DHRSX: variants seen among roughly 807,000 people sequenced by gnomAD.
The protein encoded by DHRSX is polyprenol dehydrogenase.
DHRSX carries 31 observed loss-of-function variants against 34.0 expected under a neutral mutation model. The ratio of observed to expected loss-of-function variants is 0.91; its 90% CI spans 0.69 to 1.23. The LOEUF (loss-of-function observed/expected upper bound fraction) is 1.23. Ranked by LOEUF, DHRSX falls within the 50% of genes most tolerant of loss-of-function variation. The pLI is 0.00. For missense variants in DHRSX, 414 were observed against 428.1 expected, an observed-to-expected ratio of 0.97 and a Z score of 0.29; for synonymous variants, 201 against 183.8, an observed-to-expected ratio of 1.09 and a Z score of -0.76.
intron 3 of DHRSX, among the ~76,000 whole-genome samples, chrX:2,398,094 GA>G (rs2043437406): frequency 6.6e-6 from 1 of 152,192 alleles, no homozygotes; most frequent in Non-Finnish European, 1.5e-5. Context: ...ATGAGTTGCG[GA>G]AGGGGGCTCG....
chrX:2,328,100 A>G (rs1473950687), intron 3 of DHRSX, among the ~76,000 whole-genome samples: 3 of 127,764 alleles, frequency 2.3e-5, no homozygotes, highest in Admixed American at 8.1e-5. Context: ...AGAGGAGGAG[A>G]TGAGGACACA....
chrX:2,241,820 A>G (rs1016753394), intron 6 of DHRSX, among the ~76,000 whole-genome samples: 1 of 152,126 alleles, frequency 6.6e-6, no homozygotes, highest in African/African-American at 2.4e-5. Flanking sequence ...AGGCAGGAGA[A>G]TCGCTTGAAC....
At chrX:2,482,964 C>A (rs2044796934) in intron 1 of DHRSX, among the ~76,000 whole-genome samples, 1 of 152,190 alleles carries the variant, frequency 6.6e-6, no homozygotes, top group African/African-American at 2.4e-5. Flanking sequence ...AAAGGCTACC[C>A]TCTTTCTTTC....
At chrX:2,450,154 A>C (rs935210811) in intron 1 of DHRSX, among the ~76,000 whole-genome samples, 14 of 26,728 alleles carry the variant, frequency 5.2e-4, no homozygotes, top group Non-Finnish European at 8.7e-4. Context: ...AAGTACCAAT[A>C]AATAAATAAA....
At chrX:2,464,788 C>T (rs1240930659) in intron 1 of DHRSX, among the ~76,000 whole-genome samples, 3 of 150,808 alleles carry the variant, frequency 2.0e-5, no homozygotes, top group South Asian at 4.2e-4. Context: ...GCTAAGGGAC[C>T]GCTGACATGT....
chrX:2,424,865 C>T lies in DHRSX; in HGVS notation c.217+332G>A, dbSNP rs140109923. ...ATAAGACACAACTAACTCTGCCAGGCGCAGTGGCTCACACCTGTAATCCTA... is the reference window on the plus strand; with the variant it reads ...ATAAGACACAACTAACTCTGCCAGGTGCAGTGGCTCACACCTGTAATCCTA... On this transcript the variant is annotated intron_variant, in intron 2 of 6. Coordinates refer to ENST00000334651, the MANE Select transcript of DHRSX (RefSeq NM_145177.3). Among the ~76,000 whole-genome samples the T allele has an allele frequency of 6.7e-3, 1,019 of 152,182 alleles. 18 individuals are homozygous for T. Among genetic ancestry groups the T allele is most frequent in the African/African-American group, 0.023 (972 of 41,524 alleles).
At chrX:2,479,747 C>T (rs1356473762) in intron 1 of DHRSX, among the ~76,000 whole-genome samples, 25 of 151,970 alleles carry the variant, frequency 1.6e-4, no homozygotes, top group East Asian at 5.8e-4. Flanking sequence ...ACACTGAAGA[C>T]GTTCTCTAAG....
At chrX:2,452,581 T>A (rs1280008003) in intron 1 of DHRSX, among the ~76,000 whole-genome samples, 1 of 151,722 alleles carries the variant, frequency 6.6e-6, no homozygotes, top group Non-Finnish European at 1.5e-5. Flanking sequence ...CTGAAGATGT[T>A]CCCTAAGCAT....
At chrX:2,349,182 A>G (rs2124572372) in intron 3 of DHRSX, among the ~76,000 whole-genome samples, 1 of 152,266 alleles carries the variant, frequency 6.6e-6, no homozygotes, top group South Asian at 2.1e-4. Context: ...TCGGTCTATG[A>G]GAGACATTTG....
intron 3 of DHRSX, among the ~76,000 whole-genome samples, chrX:2,294,694 A>G (rs1236498555): frequency 6.6e-6 from 1 of 151,432 alleles, no homozygotes; most frequent in Non-Finnish European, 1.5e-5. Context: ...GAAAGAGGCA[A>G]AGAGAGAGAG....
intron 3 of DHRSX, among the ~76,000 whole-genome samples, chrX:2,313,033 G>A (rs1206890833): frequency 5.4e-5 from 8 of 148,290 alleles, no homozygotes; most frequent in African/African-American, 1.5e-4. Context: ...ATGGAGTTTC[G>A]CTCTTGTTGC....
At chrX:2,246,263 T>C (rs369252748) in intron 5 of DHRSX, among the ~76,000 whole-genome samples, 14 of 152,286 alleles carry the variant, frequency 9.2e-5, no homozygotes, top group African/African-American at 3.1e-4. Flanking sequence ...CGTCATCATA[T>C]GCGTTTCAGA....
chrX:2,383,486 C>T (rs936992228), intron 3 of DHRSX, among the ~76,000 whole-genome samples: 3 of 152,080 alleles, frequency 2.0e-5, no homozygotes, highest in Admixed American at 1.3e-4. Flanking sequence ...TTACCACTGT[C>T]ATCATCATTG....
In DHRSX at chrX:2,375,911, T is replaced by G. The variant is rs1371975631; in HGVS notation, c.286+32834A>C. On this transcript the variant is annotated intron_variant, in intron 3 of 6. Transcript: ENST00000334651. Reference sequence around the variant, plus strand: ...CTCCCAAAGTGCTGGGATGACAGGCTGGAGCCACTGCACCCGGCCGGCTCA... The same window carrying G: ...CTCCCAAAGTGCTGGGATGACAGGCGGGAGCCACTGCACCCGGCCGGCTCA... Among the ~76,000 whole-genome samples, 3 of 136,628 alleles carry G rather than the reference T, an allele frequency of 2.2e-5. 1 individual carries two copies. The highest frequency in any genetic ancestry group is 2.2e-4 in the Admixed American group (3 of 13,674). 89.6% of individuals were successfully genotyped at this position (136,628 alleles called of 152,430 possible).
At chrX:2,459,334 A>C (rs2044362134) in intron 1 of DHRSX, among the ~76,000 whole-genome samples, 1 of 151,980 alleles carries the variant, frequency 6.6e-6, no homozygotes, top group Non-Finnish European at 1.5e-5. Context: ...GGGTTATCTG[A>C]ATATGTAAAT....
At chrX:2,358,595 C>A (rs2124583951) in intron 3 of DHRSX, among the ~76,000 whole-genome samples, 1 of 152,124 alleles carries the variant, frequency 6.6e-6, no homozygotes, top group African/African-American at 2.4e-5. Flanking sequence ...ATGTGGGAGG[C>A]ATATTACTAA....
At chrX:2,291,896 A>ATTTTTTTT (rs928376249) in intron 3 of DHRSX, among the ~76,000 whole-genome samples, 65 of 95,990 alleles carry the variant, frequency 6.8e-4, no homozygotes, top group East Asian at 1.6e-3. Flanking sequence ...GTATTTTTGT[A>ATTTTTTTT]TTTTTTTTTT....
chrX:2,233,865 TCATAATTA>T (rs2015953929), intron 6 of DHRSX, among the ~76,000 whole-genome samples: 2 of 152,160 alleles, frequency 1.3e-5, no homozygotes. Context: ...AATGAATGGC[TCATAATTA>T]CATAATTACA....
chrX:2,231,911 C>T (rs1404774264), intron 6 of DHRSX, among the ~76,000 whole-genome samples: 1 of 150,242 alleles, frequency 6.7e-6, no homozygotes, highest in Non-Finnish European at 1.5e-5. Context: ...CTCTTATCTT[C>T]TTCTTTTCCT....
Sources: gnomAD v4.1 joint callset for allele counts (sites outside exome capture counted in the v4.1 genomes callset) on GRCh38, gnomAD v4.1.1 for gene constraint, MANE v1.5 for transcripts, NCBI Gene and HGNC (gene_info 2026-07-23, HGNC 2026-07-21) for gene names.